The following CTC1 variants were observed in gnomAD, a reference collection of about 807,000 sequenced individuals.
The protein encoded by CTC1 is CST telomere replication complex component 1.
A neutral mutation model predicts 136.3 loss-of-function variants in CTC1; 91 were observed. The ratio of observed to expected loss-of-function variants is 0.67; its 90% confidence interval spans 0.56 to 0.79. The LOEUF is 0.79. Among genes scored for constraint, CTC1 ranks in the 30% least tolerant of loss-of-function variants. CTC1 has a pLI of 0.00. For missense variants in CTC1, 1,432 were observed against 1,498.1 expected, an observed-to-expected ratio of 0.96 and a Z score of 0.73; for synonymous variants, 606 against 613.8, an observed-to-expected ratio of 0.99 and a Z score of 0.19.
At chr17:8,231,576 A>G (rs1352035239) in intron 14 of CTC1, 107 bp from the exon 15 acceptor site, 5 of 1,263,636 alleles carry the variant, frequency 4.0e-6, no homozygotes, top group Non-Finnish European at 5.6e-6. Flanking sequence ...TGGAGAAGGA[A>G]GTGTGTCAAC....
Position 8,231,386 on chromosome 17 carries a change from A to G in CTC1, c.2559T>C (p.Thr853=). ...LELAGCASCL[T]VQDNWTLELE... ...GCTCCAGAGTCCAGTTGTCCTGGAC[A>G]GTGAGGCAGGATGCACAGCCAGCCA... The change falls in exon 15 of 23, where the codon ACT becomes ACC. Residue 853 remains threonine, a synonymous_variant. Coordinates refer to ENST00000651323, the MANE Select transcript of CTC1 (RefSeq NM_025099.6). The G allele has an allele frequency of 6.2e-7, 1 of 1,613,812 alleles. No homozygotes were observed. Among genetic ancestry groups the G allele is most frequent in the South Asian group, 1.1e-5 (1 of 91,066 alleles).
chr17:8,243,296 G>C, intron 1 of CTC1, 148 bp from the exon 2 acceptor site: 1 of 671,526 alleles, frequency 1.5e-6, no homozygotes, highest in Non-Finnish European at 2.4e-6. Flanking sequence ...GAGGCAGGCG[G>C]ATCACTTGAG....
chr17:8,230,209 C>A (rs969776503), intron 17 of CTC1, 85 bp downstream of exon 17: 3 of 1,354,220 alleles, frequency 2.2e-6, no homozygotes, highest in Admixed American at 2.1e-5. Flanking sequence ...GAGAAGGGGT[C>A]GCTGCAGCAA....
chr17:8,242,544 AAAAAAAAAAAT>A (rs1221855511), intron 2 of CTC1, among the ~76,000 whole-genome samples: 26 of 97,586 alleles, frequency 2.7e-4, no homozygotes, highest in Middle Eastern at 4.8e-3. Flanking sequence ...AAAAAAAAAA[AAAAAAAAAAAT>A]ATATATATAT....
At chr17:8,236,373 C>T in intron 5 of CTC1, 31 bp from the exon 6 acceptor site, 1 of 1,584,412 alleles carries the variant, frequency 6.3e-7, no homozygotes. Flanking sequence ...CAATGTGACA[C>T]AAGAGACCCC....
At position 8,230,296 on chromosome 17, in the gene CTC1, G is replaced by A; in HGVS notation, c.2931C>T (p.Ser977=). The A allele has an allele frequency of 6.2e-7, 1 of 1,609,890 alleles. No individual in the cohort carries two copies. The highest frequency in any genetic ancestry group is 8.5e-7 in the Non-Finnish European group (1 of 1,178,534). ...VHFSQLEKRV[S]RSHNVYCCFR... ...CAGGTGACACTACACATCTTCACCT[G>A]GAAACCCTTTTCTCCAACTGGCTGA... The change falls in exon 17 of 23, where the codon TCC becomes TCT. Residue 977 remains serine (S), a splice_region_variant and synonymous_variant. Coordinates refer to ENST00000651323, the MANE Select transcript of CTC1 (RefSeq NM_025099.6).
chr17:8,237,043 T>G (rs539304938), intron 5 of CTC1, among the ~76,000 whole-genome samples: 1 of 151,314 alleles, frequency 6.6e-6, no homozygotes, highest in African/African-American at 2.4e-5. Context: ...ACCAAGTTTT[T>G]TTTTTTTTTT....
intron 1 of CTC1, among the ~76,000 whole-genome samples, chr17:8,245,645 A>G (rs1486686240): frequency 6.6e-6 from 1 of 152,186 alleles, no homozygotes; most frequent in African/African-American, 2.4e-5. Flanking sequence ...CTACTGAGTA[A>G]AAATGGAGCA....
At position 8,229,447 on chromosome 17, in the gene CTC1, C is replaced by CT. The variant is rs1393877179; in HGVS notation, c.3012-2dup. ...CAGGTAGATGTGGGGCAGGGGAATG[C>CT]TAAATAAATACAGGGAGACAGAGAC... On this transcript the variant is annotated splice_acceptor_variant, in intron 18 of 22. Coordinates refer to ENST00000651323, the MANE Select transcript of CTC1 (RefSeq NM_025099.6). LOFTEE classifies it high-confidence loss of function. The CT allele has an allele frequency of 1.9e-6, 3 of 1,611,506 alleles. No individual in the cohort carries two copies. Among genetic ancestry groups the CT allele is most frequent in the African/African-American group, 2.7e-5 (2 of 74,842 alleles).
At chr17:8,242,174 C>T (rs971639052) in intron 2 of CTC1, among the ~76,000 whole-genome samples, 1 of 151,840 alleles carries the variant, frequency 6.6e-6, no homozygotes, top group South Asian at 2.1e-4. Context: ...GGATTGCAGG[C>T]GCCCACCACC....
Position 8,243,013 on chromosome 17 carries a change from G to C in CTC1, c.169C>G (p.Gln57Glu), listed in dbSNP as rs1988401341. Residue 57 changes from glutamine to glutamate, a missense_variant, in exon 2 of 23, where the codon CAA becomes GAA. Gln to Glu is a conservative substitution (Grantham distance 29, BLOSUM62 2). Transcript: ENST00000651323. ...KTVWLSQGRN[Q>E]GSTLPLSYSF... ...TAGCTGAGGGGCAGTGTAGAACCTT[G>C]GTTCCTTCCCTGGGACAACCAGACA... 3 of 1,613,162 alleles carry C rather than the reference G, an allele frequency of 1.9e-6. No individual in the cohort carries two copies. The highest frequency in any genetic ancestry group is 1.7e-6 in the Non-Finnish European group (2 of 1,179,688).
chr17:8,247,838 T>C (rs1597406967), intron 1 of CTC1, 166 bp downstream of exon 1: 1 of 663,466 alleles, frequency 1.5e-6, no homozygotes, highest in East Asian at 2.8e-5. Context: ...GGAATAAACA[T>C]TCGCAGAACC....
Position 8,235,096 on chromosome 17 carries a change from G to A in CTC1, c.1396C>T (p.Leu466Phe). The A allele has an allele frequency of 1.2e-6, 2 of 1,614,170 alleles. No homozygotes were observed. Among genetic ancestry groups the A allele is most frequent in the African/African-American group, 1.3e-5 (1 of 75,050 alleles). ...LVWERQLGLPLYLWATKALEE... is the reference protein window; with the variant it reads ...LVWERQLGLPFYLWATKALEE... ...AGGGCCTTGGTAGCCCACAGGTAGA[G>A]GGGAAGTCCTAACTGACGTTCCCAC... Residue 466 changes from leucine (L) to phenylalanine (F), a missense_variant, in exon 8 of 23, where the codon CTC (leucine) becomes TTC (phenylalanine). Physicochemically the swap from Leu to Phe is conservative, Grantham distance 22. Coordinates refer to ENST00000651323, the MANE Select transcript of CTC1 (RefSeq NM_025099.6).
In CTC1 at chr17:8,234,822, G is replaced by A. The variant is rs1987560607; in HGVS notation, c.1544C>T (p.Ala515Val). 6.2e-7 allele frequency: 1 copy of A among 1,613,446 alleles called. No individual in the cohort carries two copies. The highest frequency in any genetic ancestry group is 1.1e-5 in the South Asian group (1 of 90,954). Residue 515 changes from alanine to valine, a missense_variant, in exon 9 of 23, where the codon GCT (alanine) becomes GTT (valine). Ala to Val is a moderately conservative substitution (Grantham distance 64). Coordinates refer to ENST00000651323, the MANE Select transcript of CTC1 (RefSeq NM_025099.6). ...QLLAPTLDLL[A>V]PPGSPVRNAH... ...ATTCCGAACAGGGCTGCCTGGCGGA[G>A]CTAGAAGATCCAGGGTAGGAGCCAG...
intron 1 of CTC1, chr17:8,247,509 C>G: frequency 6.5e-6 from 1 of 153,934 alleles, no homozygotes; most frequent in Non-Finnish European, 1.5e-5. Flanking sequence ...GAGGTTTCAC[C>G]ATGTTGGTCA....
intron 2 of CTC1, among the ~76,000 whole-genome samples, chr17:8,241,882 G>A (rs561832182): frequency 1.3e-5 from 2 of 150,238 alleles, no homozygotes; most frequent in African/African-American, 4.9e-5. Flanking sequence ...AATCACGGAG[G>A]GTATTTACAT....
rs369627256 is a variant in CTC1 at position 8,238,594 on chromosome 17, C to T, written c.233G>A (p.Arg78His). The change falls in exon 3 of 23, where the codon CGT (arginine) becomes CAT (histidine). Residue 78 changes from arginine to histidine, a missense_variant. Arg to His is a conservative substitution (Grantham distance 29, BLOSUM62 0). Coordinates refer to ENST00000651323, the MANE Select transcript of CTC1 (RefSeq NM_025099.6). ...CGACAGGTGGCTGCAGCATGGGAGA[C>T]GCTGGTGAGTCTTGAGGTCCTGTAC... ...VSVQDLKTHQ[R>H]LPCCSHLSWS... 2.9e-4 allele frequency: 464 copies of T among 1,612,526 alleles called. 9 individuals carry two copies. In the South Asian group the frequency reaches 4.8e-3, roughly 17 times the overall value.
rs1987668048 is a variant in CTC1, at chr17:8,235,868, C to T, written c.1169G>A (p.Gly390Asp). Residue 390 changes from glycine (G) to aspartate (D), a missense_variant, in exon 7 of 23, where the codon GGC becomes GAC. Coordinates refer to ENST00000651323, the MANE Select transcript of CTC1 (RefSeq NM_025099.6). ...TCCAGGTCGCATCACCCGCCTAAGG[C>T]CACGGAACTGCTGGTAGGCAAGGCA... ...GLCLAYQQFRGLRRVMRPGVC... is the reference protein window; with the variant it reads ...GLCLAYQQFRDLRRVMRPGVC... The T allele has an allele frequency of 3.7e-6, 6 of 1,613,810 alleles. No individual in the cohort carries two copies. Among genetic ancestry groups the T allele is most frequent in the Non-Finnish European group, 5.1e-6 (6 of 1,179,782 alleles).
At position 8,237,442 on chromosome 17, in the gene CTC1, T is replaced by A; in HGVS notation, c.725A>T (p.Lys242Ile). Residue 242 changes from lysine to isoleucine, a missense_variant, in exon 5 of 23, where the codon AAA becomes ATA. Physicochemically the swap from Lys to Ile is moderately radical, Grantham distance 102. Transcript: ENST00000651323. Reference sequence around the variant, plus strand: ...ACCAAGAGACAGGATGAAGTAAGCTTTCTGTTTACTTTTCACCAGAGCACT... The same window carrying A: ...ACCAAGAGACAGGATGAAGTAAGCTATCTGTTTACTTTTCACCAGAGCACT... ...RLSALVKSKQKAYFILSLGRS... is the reference protein window; with the variant it reads ...RLSALVKSKQIAYFILSLGRS... 1 of 1,612,662 alleles carries A rather than the reference T, an allele frequency of 6.2e-7. No individual in the cohort carries two copies. Among genetic ancestry groups the A allele is most frequent in the Middle Eastern group, 1.6e-4 (1 of 6,062 alleles).
Sources: allele counts gnomAD v4.1 joint callset (sites outside exome capture counted in the v4.1 genomes callset), GRCh38; gene constraint gnomAD v4.1.1; transcripts MANE v1.5; gene names NCBI Gene and HGNC (gene_info 2026-07-23, HGNC 2026-07-21).